The following CYP20A1 variants were observed in gnomAD, a reference collection of about 807,000 sequenced individuals.
The protein encoded by CYP20A1 is cytochrome P450 family 20 subfamily A member 1, also known as cytochrome P450 20A1.
Under a neutral mutation model 61.4 loss-of-function variants are expected in CYP20A1, and 61 were observed. The ratio of observed to expected loss-of-function variants is 0.99; its 90% CI spans 0.81 to 1.23. The LOEUF is 1.23. Ranked by LOEUF, CYP20A1 falls within the 50% of genes most tolerant of loss-of-function variation. The pLI is 0.00. For synonymous variants in CYP20A1, 193 were observed against 188.2 expected (o/e 1.03, Z -0.21); for missense variants, 530 against 542.4 (o/e 0.98, Z 0.23).
chr2:203,239,256 C>G, intron 1 of CYP20A1, 122 bp downstream of exon 1: 2 of 801,668 alleles, frequency 2.5e-6, no homozygotes, highest in African/African-American at 1.7e-5. Context: ...GGTTCGGGTT[C>G]GCTCCAGAGC....
chr2:203,301,576 A>C lies in CYP20A1; in HGVS notation c.*4668A>C, dbSNP rs1376926451. Among the ~76,000 whole-genome samples the C allele has an allele frequency of 6.6e-6, 1 of 152,044 alleles. No individual in the cohort carries two copies. Among genetic ancestry groups the C allele is most frequent in the Non-Finnish European group, 1.5e-5 (1 of 68,008 alleles). On this transcript the variant is annotated 3_prime_UTR_variant, in exon 13 of 13. Coordinates refer to ENST00000356079, the MANE Select transcript of CYP20A1 (RefSeq NM_177538.3). The stretch of plus-strand genomic sequence containing the variant: ...GTGAGCCACGGCACCTGGTCCATAA[A>C]ACATTTTTTTATGAACTAAAGAGCT...
chr2:203,253,401 A>G (rs1287321523), intron 4 of CYP20A1, among the ~76,000 whole-genome samples: 1 of 152,146 alleles, frequency 6.6e-6, no homozygotes, highest in African/African-American at 2.4e-5. Context: ...TCCAGAGGCA[A>G]AGGAGACAGT....
rs910133244 is a variant in CYP20A1 at position 203,305,732 on chromosome 2, T to A, written c.*8824T>A. 1.3e-5 allele frequency: 2 copies of A among 152,202 alleles called. No individual in the cohort carries two copies. Among genetic ancestry groups the A allele is most frequent in the African/African-American group, 4.8e-5 (2 of 41,458 alleles). The allele number at this position is 152,202 out of a possible 1,614,324, so 9.4% of individuals were successfully genotyped here. The stretch of plus-strand genomic sequence containing the variant: ...CCATTGTAACTATGTCATAAAGTCA[T>A]AAAGTACCTGTCCCCAAAAAGGCAA... On this transcript the variant is annotated 3_prime_UTR_variant, in exon 13 of 13. Coordinates refer to ENST00000356079, the MANE Select transcript of CYP20A1 (RefSeq NM_177538.3).
At chr2:203,288,626 A>C (rs2068402783) in intron 9 of CYP20A1, among the ~76,000 whole-genome samples, 1 of 152,182 alleles carries the variant, frequency 6.6e-6, no homozygotes, top group Non-Finnish European at 1.5e-5. Context: ...TACAGAGGAA[A>C]GGAAGGAAGA....
chr2:203,296,332 T>G, intron 11 of CYP20A1, 142 bp from the exon 12 acceptor site: 1 of 524,082 alleles, frequency 1.9e-6, no homozygotes, highest in South Asian at 2.3e-5. Flanking sequence ...AACATAAAAA[T>G]AAGTGGCATT....
intron 9 of CYP20A1, among the ~76,000 whole-genome samples, chr2:203,287,811 T>C (rs192000915): frequency 6.6e-6 from 1 of 152,282 alleles, no homozygotes; most frequent in African/African-American, 2.4e-5. Flanking sequence ...CACTTGTGCC[T>C]CTTCATAGCT....
rs569191443 is a variant in CYP20A1 at position 203,305,013 on chromosome 2, AG to A, written c.*8108del. ...AGCTTCAGGGAATAGGCTTTTTTAA[AG>A]GGAATAGACTTATAGATCAATTTTA... On this transcript the variant is annotated 3_prime_UTR_variant, in exon 13 of 13. Coordinates refer to ENST00000356079, the MANE Select transcript of CYP20A1 (RefSeq NM_177538.3). 2.0e-3 allele frequency among the ~76,000 whole-genome samples: 309 copies of A among 152,242 alleles called. 1 individual carries two copies. Among genetic ancestry groups the A allele is most frequent in the African/African-American group, 7.0e-3 (289 of 41,538 alleles).
chr2:203,278,736 C>T, intron 7 of CYP20A1, 48 bp downstream of exon 7: 1 of 1,011,804 alleles, frequency 9.9e-7, no homozygotes, highest in Non-Finnish European at 1.5e-6. Context: ...AAGCCAGAGC[C>T]AGGCACAATG....
intron 4 of CYP20A1, among the ~76,000 whole-genome samples, chr2:203,263,714 T>C (rs1298225923): frequency 1.3e-5 from 2 of 152,186 alleles, no homozygotes; most frequent in South Asian, 2.1e-4. Context: ...TCCAGAAAGG[T>C]AGAATTTTTC....
intron 9 of CYP20A1, among the ~76,000 whole-genome samples, chr2:203,287,889 C>T (rs1263637829): frequency 6.6e-6 from 1 of 151,796 alleles, no homozygotes; most frequent in East Asian, 1.9e-4. Context: ...CAAACTACTC[C>T]TCTGTATAGA....
intron 5 of CYP20A1, among the ~76,000 whole-genome samples, chr2:203,272,031 TG>T (rs1292938705): frequency 1.3e-5 from 2 of 152,158 alleles, no homozygotes; most frequent in Non-Finnish European, 2.9e-5. Flanking sequence ...TGTCTCGGCG[TG>T]GGGGAAGAAA....
intron 4 of CYP20A1, 136 bp from the exon 5 acceptor site, chr2:203,266,378 C>G: frequency 1.4e-6 from 1 of 711,186 alleles, no homozygotes; most frequent in African/African-American, 1.8e-5. Context: ...TAGTGTTAGT[C>G]TGACAGATTC....
chr2:203,296,690 T>G, intron 12 of CYP20A1, 68 bp from the exon 13 acceptor site: 3 of 1,518,696 alleles, frequency 2.0e-6, no homozygotes, highest in Non-Finnish European at 2.7e-6. Context: ...GGGGTTCATG[T>G]GCAGAACGTG....
rs186719668 is a variant in CYP20A1, at chr2:203,264,411, A to G, written c.433-2103A>G. ...GAAATATCCCTCTTTATCTCTAGTA[A>G]TATTTCTTGCCTTAAAGTTTATTTT... On this transcript the variant is annotated intron_variant, in intron 4 of 12. Transcript: ENST00000356079. 3.7e-3 allele frequency among the ~76,000 whole-genome samples: 565 copies of G among 152,156 alleles called. 2 individuals carry two copies. The highest frequency in any genetic ancestry group is 5.6e-3 in the Non-Finnish European group (380 of 68,004).
At chr2:203,278,538 T>C in intron 6 of CYP20A1, 35 bp from the exon 7 acceptor site, 2 of 1,043,724 alleles carry the variant, frequency 1.9e-6, no homozygotes, top group Non-Finnish European at 2.8e-6. Context: ...CCACTAATGC[T>C]TGTATTCTAA....
intron 6 of CYP20A1, 25 bp from the exon 7 acceptor site, chr2:203,278,548 A>G: frequency 8.3e-7 from 1 of 1,210,734 alleles, no homozygotes; most frequent in Admixed American, 2.2e-5. Context: ...TTGTATTCTA[A>G]AATTATTTTG....
intron 8 of CYP20A1, among the ~76,000 whole-genome samples, chr2:203,283,211 A>ATTTTTTTTTTTTTTTTTTTTTTTTTTT: frequency 1.2e-5 from 1 of 83,492 alleles, no homozygotes; most frequent in Non-Finnish European, 2.1e-5. Context: ...CAATGTGAGA[A>ATTTTTTTTTTTTTTTTTTTTTTTTTTT]TTTTTTTTTT....
chr2:203,294,386 A>C (rs2068681668), intron 11 of CYP20A1, among the ~76,000 whole-genome samples: 1 of 151,656 alleles, frequency 6.6e-6, no homozygotes, highest in Non-Finnish European at 1.5e-5. Context: ...AAAAATGCAA[A>C]ATTAGCCAGG....
In CYP20A1 at chr2:203,303,809, G is replaced by A. The variant is rs538931666; in HGVS notation, c.*6901G>A. 6.6e-6 allele frequency among the ~76,000 whole-genome samples: 1 copy of A among 151,544 alleles called. No homozygotes were observed. Among genetic ancestry groups the A allele is most frequent in the African/African-American group, 2.4e-5 (1 of 41,340 alleles). ...GAGAAAAAAAATAAACCTGGGAGGT[G>A]GAGGTTGCAGTGAGTTGAGATTGTG... On this transcript the variant is annotated 3_prime_UTR_variant, in exon 13 of 13. Coordinates refer to ENST00000356079, the MANE Select transcript of CYP20A1 (RefSeq NM_177538.3).
Sources: gnomAD v4.1 joint callset for allele counts (sites outside exome capture counted in the v4.1 genomes callset) on GRCh38, gnomAD v4.1.1 for gene constraint, MANE v1.5 for transcripts, NCBI Gene and HGNC (gene_info 2026-07-23, HGNC 2026-07-21) for gene names.